LDLRAD3: variants seen among roughly 807,000 people sequenced by gnomAD.
LDLRAD3 encodes the protein low-density lipoprotein receptor class A domain-containing protein 3.
Under a neutral mutation model 29.4 loss-of-function variants are expected in LDLRAD3, and 20 were observed. That is an observed-to-expected ratio of 0.68 (90% CI 0.48 to 0.99). The LOEUF is 0.99. Ranked by LOEUF, LDLRAD3 falls within the 50% of genes least tolerant of loss-of-function variation. The pLI is 0.00. For missense variants in LDLRAD3, 420 were observed against 454.3 expected, an observed-to-expected ratio of 0.92 and a Z score of 0.69; for synonymous variants, 157 against 192.7, an observed-to-expected ratio of 0.81 and a Z score of 1.53.
At chr11:35,992,697 G>T (rs563900941) in intron 1 of LDLRAD3, among the ~76,000 whole-genome samples, 1 of 152,186 alleles carries the variant, frequency 6.6e-6, no homozygotes, top group East Asian at 1.9e-4. Context: ...CTGAGTGGGG[G>T]TTTGGGAGGA....
chr11:36,187,403 C>T (rs527520416), intron 4 of LDLRAD3, among the ~76,000 whole-genome samples: 3 of 151,962 alleles, frequency 2.0e-5, no homozygotes, highest in Non-Finnish European at 2.9e-5. Context: ...AAAATACCTA[C>T]ACATATATAG....
At chr11:36,100,462 C>T (rs1191259637) in intron 4 of LDLRAD3, among the ~76,000 whole-genome samples, 6 of 152,162 alleles carry the variant, frequency 3.9e-5, no homozygotes, top group Non-Finnish European at 8.8e-5. Flanking sequence ...ATGGCATGGA[C>T]GGAGTCTTGC....
intron 4 of LDLRAD3, among the ~76,000 whole-genome samples, chr11:36,164,416 T>G (rs551580176): frequency 6.6e-6 from 1 of 152,364 alleles, no homozygotes; most frequent in East Asian, 1.9e-4. Context: ...GGTCTTAGAT[T>G]GCTGCTCATT....
intron 4 of LDLRAD3, among the ~76,000 whole-genome samples, chr11:36,139,102 T>A (rs1414321031): frequency 6.6e-6 from 1 of 152,252 alleles, no homozygotes; most frequent in Non-Finnish European, 1.5e-5. Flanking sequence ...TACTCAGGGT[T>A]CCTTTAGCTT....
rs150269643 is a variant in LDLRAD3 at position 36,004,340 on chromosome 11, T to C, written c.47-31763T>C. ...ATTGGCTGAAAAAATGGGGCTGTAG[T>C]CCCCACACAAGTCTGAAACCCAGCA... On this transcript the variant is annotated intron_variant, in intron 1 of 5. Coordinates refer to ENST00000315571, the MANE Select transcript of LDLRAD3 (RefSeq NM_174902.4). Among the ~76,000 whole-genome samples the C allele has an allele frequency of 3.0e-3, 461 of 152,270 alleles. 6 individuals carry two copies. Among genetic ancestry groups the C allele is most frequent in the African/African-American group, 0.011 (443 of 41,540 alleles).
intron 3 of LDLRAD3, among the ~76,000 whole-genome samples, chr11:36,085,029 C>G (rs1393510961): frequency 6.6e-5 from 10 of 152,232 alleles, no homozygotes; most frequent in Admixed American, 6.5e-4. Flanking sequence ...CATTTGATCA[C>G]TCTTTCCTTC....
At chr11:36,155,969 A>C (rs1468864364) in intron 4 of LDLRAD3, among the ~76,000 whole-genome samples, 2 of 152,118 alleles carry the variant, frequency 1.3e-5, no homozygotes, top group Non-Finnish European at 2.9e-5. Flanking sequence ...GAGCTGGGAA[A>C]TTATGTTCTT....
chr11:36,196,746 G>A (rs146673753), intron 4 of LDLRAD3: 2 of 152,320 alleles, frequency 1.3e-5, no homozygotes, highest in Non-Finnish European at 2.9e-5. Context: ...ATACAGTCAT[G>A]TTCTGCTAAG....
intron 4 of LDLRAD3, among the ~76,000 whole-genome samples, chr11:36,172,097 G>T (rs552283007): frequency 4.1e-4 from 63 of 152,226 alleles, no homozygotes; most frequent in African/African-American, 1.5e-3. Context: ...ATTGCAAAAG[G>T]AGTTGAGTTC....
In LDLRAD3 at chr11:36,145,559, A is replaced by C. The variant is rs549724817; in HGVS notation, c.454+47098A>C. Among the ~76,000 whole-genome samples the C allele has an allele frequency of 2.1e-4, 30 of 144,330 alleles. No homozygotes were observed. In the South Asian group the frequency reaches 6.6e-3, roughly 32 times the overall value. The allele number at this position is 144,330 out of a possible 152,430, so 94.7% of individuals were successfully genotyped here. On this transcript the variant is annotated intron_variant, in intron 4 of 5. Transcript: ENST00000315571. ...GATGACAATGGCGGTTTTGTGGAAT[A>C]GAAAGGGGGGAAAAGTGGGGAAAAG...
intron 2 of LDLRAD3, among the ~76,000 whole-genome samples, chr11:36,073,281 T>A (rs1246416697): frequency 6.6e-6 from 1 of 152,242 alleles, no homozygotes; most frequent in Non-Finnish European, 1.5e-5. Context: ...TTGGTCCCCA[T>A]CTTCCTGCTA....
chr11:35,991,106 A>G (rs926174875), intron 1 of LDLRAD3, among the ~76,000 whole-genome samples: 5 of 151,968 alleles, frequency 3.3e-5, no homozygotes, highest in African/African-American at 4.8e-5. Context: ...AAACCAGAGC[A>G]TTTTCTGTTG....
At chr11:36,182,281 TC>T (rs1306761211) in intron 4 of LDLRAD3, among the ~76,000 whole-genome samples, 1 of 152,114 alleles carries the variant, frequency 6.6e-6, no homozygotes, top group African/African-American at 2.4e-5. Context: ...ATCAGTCCTT[TC>T]CAGATAGAAT....
At chr11:36,223,037 A>G (rs1855450946) in intron 4 of LDLRAD3, among the ~76,000 whole-genome samples, 1 of 152,182 alleles carries the variant, frequency 6.6e-6, no homozygotes, top group Admixed American at 6.5e-5. Context: ...ATGCACTTGG[A>G]ACTTAGGTCC....
intron 2 of LDLRAD3, among the ~76,000 whole-genome samples, chr11:36,046,108 C>T (rs1852446881): frequency 6.6e-6 from 1 of 152,152 alleles, no homozygotes; most frequent in Non-Finnish European, 1.5e-5. Flanking sequence ...ATGATGGCTT[C>T]CAGCTTCATC....
intron 1 of LDLRAD3, among the ~76,000 whole-genome samples, chr11:36,022,989 G>T (rs1852116862): frequency 6.6e-6 from 1 of 152,188 alleles, no homozygotes; most frequent in South Asian, 2.1e-4. Context: ...ATTTGCTCAA[G>T]AAGTCAGCTA....
At chr11:36,088,809 A>G (rs1358594052) in intron 3 of LDLRAD3, among the ~76,000 whole-genome samples, 1 of 152,206 alleles carries the variant, frequency 6.6e-6, no homozygotes, top group African/African-American at 2.4e-5. Flanking sequence ...TGGTTTGCCA[A>G]GGCTGGGCTG....
intron 4 of LDLRAD3, among the ~76,000 whole-genome samples, chr11:36,146,089 A>G (rs1854189464): frequency 6.6e-6 from 1 of 152,026 alleles, no homozygotes; most frequent in African/African-American, 2.4e-5. Flanking sequence ...AACACCAGGT[A>G]AATAGCCAAA....
intron 4 of LDLRAD3, among the ~76,000 whole-genome samples, 154 bp from the exon 5 acceptor site, chr11:36,226,931 G>A (rs1158540569): frequency 3.3e-5 from 5 of 152,156 alleles, no homozygotes; most frequent in Admixed American, 1.3e-4. Flanking sequence ...TCCGTTCATC[G>A]GTTGGTGGAC....
Sources: allele counts gnomAD v4.1 joint callset (sites outside exome capture counted in the v4.1 genomes callset), GRCh38; gene constraint gnomAD v4.1.1; transcripts MANE v1.5; gene names NCBI Gene and HGNC (gene_info 2026-07-23, HGNC 2026-07-21).